The following NRXN3 variants were observed in gnomAD, a reference collection of about 807,000 sequenced individuals.
NRXN3 encodes the protein neurexin 3, also known as neurexin III.
NRXN3 carries 32 observed loss-of-function variants against 137.6 expected under a neutral mutation model. That is an observed-to-expected ratio of 0.23 (90% CI 0.18 to 0.31). NRXN3 has a LOEUF of 0.31. NRXN3 is among the 10% of genes least tolerant of loss of function. NRXN3 has a pLI of 1.00. For synonymous variants in NRXN3, 798 were observed against 784.5 expected, an observed-to-expected ratio of 1.02 and a Z score of -0.29; for missense variants, 1,574 against 2,062.5, an observed-to-expected ratio of 0.76 and a Z score of 4.59.
In NRXN3 at chr14:79,719,320, C is replaced by T. The variant is rs566288741; in HGVS notation, c.4014+21383C>T. On this transcript the variant is annotated intron_variant, in intron 19 of 20. Transcript: ENST00000335750. ...GTGTATATGTATGTGTATGTATACA[C>T]GCGTGTGTATATATATGTATATATA... Among the ~76,000 whole-genome samples the T allele has an allele frequency of 2.3e-3, 318 of 139,610 alleles. 2 individuals are homozygous for T. The highest frequency in any genetic ancestry group is 9.5e-3 in the South Asian group (41 of 4,322). 91.6% of individuals were successfully genotyped at this position (139,610 alleles called of 152,430 possible).
chr14:78,415,039 G>A (rs1007240268), intron 4 of NRXN3, among the ~76,000 whole-genome samples: 4 of 152,068 alleles, frequency 2.6e-5, no homozygotes, highest in Admixed American at 6.6e-5. Flanking sequence ...CACTTACTTC[G>A]GAACCATAGA....
At chr14:79,065,736 C>T (rs534547973) in intron 15 of NRXN3, among the ~76,000 whole-genome samples, 15 of 152,214 alleles carry the variant, frequency 9.9e-5, no homozygotes, top group African/African-American at 2.6e-4. Context: ...ACCCCAATCT[C>T]GGCCTTGATG....
chr14:78,365,390 C>A (rs1279470192), intron 4 of NRXN3, among the ~76,000 whole-genome samples: 1 of 152,184 alleles, frequency 6.6e-6, no homozygotes, highest in African/African-American at 2.4e-5. Context: ...TAAGGCTTTA[C>A]TCCATGCAGA....
intron 10 of NRXN3, among the ~76,000 whole-genome samples, chr14:78,887,666 C>T (rs574696430): frequency 9.2e-5 from 14 of 152,140 alleles, no homozygotes; most frequent in South Asian, 4.1e-4. Context: ...TTCTAAAATA[C>T]GAGTAAACAT....
intron 4 of NRXN3, among the ~76,000 whole-genome samples, chr14:78,490,024 C>T (rs1461729322): frequency 6.6e-6 from 1 of 152,020 alleles, no homozygotes; most frequent in African/African-American, 2.4e-5. Flanking sequence ...AAGCGATTCT[C>T]CTGCCTCAGC....
chr14:78,968,054 C>CTT (rs2099426040), intron 13 of NRXN3, 119 bp from the exon 14 acceptor site: 2 of 84,780 alleles, frequency 2.4e-5, no homozygotes, highest in Admixed American at 1.3e-4. Context: ...GCTGTCCCCC[C>CTT]CCCCCCCCCC....
intron 15 of NRXN3, among the ~76,000 whole-genome samples, chr14:79,293,211 C>A (rs1402565089): frequency 1.3e-5 from 2 of 152,120 alleles, no homozygotes; most frequent in Non-Finnish European, 2.9e-5. Context: ...CCTTTTACTT[C>A]CCTTCACAAA....
At chr14:78,226,750 A>C (rs1287454669) in intron 1 of NRXN3, among the ~76,000 whole-genome samples, 1 of 152,214 alleles carries the variant, frequency 6.6e-6, no homozygotes, top group Non-Finnish European at 1.5e-5. Context: ...TTAAAAAAAA[A>C]CTTTGAAATT....
chr14:78,861,643 G>A (rs947045650), intron 10 of NRXN3, among the ~76,000 whole-genome samples: 1 of 152,108 alleles, frequency 6.6e-6, no homozygotes, highest in Non-Finnish European at 1.5e-5. Context: ...ATGCTGTGCT[G>A]TCATAGAGAA....
chr14:79,440,747 A>AT (rs1016830496), intron 15 of NRXN3, among the ~76,000 whole-genome samples: 16 of 152,198 alleles, frequency 1.1e-4, no homozygotes, highest in Admixed American at 1.3e-4. Context: ...TCAAAAAAAA[A>AT]TTTTTTTTAA....
intron 20 of NRXN3, among the ~76,000 whole-genome samples, chr14:79,818,166 G>A (rs2099258337): frequency 6.9e-6 from 1 of 144,698 alleles, no homozygotes; most frequent in Non-Finnish European, 1.5e-5. Context: ...CCATTCTCCT[G>A]CCTCAGCCTC....
intron 15 of NRXN3, among the ~76,000 whole-genome samples, chr14:79,169,847 G>A (rs2061612527): frequency 6.6e-6 from 1 of 152,090 alleles, no homozygotes; most frequent in Non-Finnish European, 1.5e-5. Flanking sequence ...CCAGTGGGAG[G>A]TTGCCTAGGG....
chr14:79,815,608 A>C lies in NRXN3; in HGVS notation c.4093+10418A>C, dbSNP rs560822552. Reference sequence around the variant, plus strand: ...GAGGGAAATGTAAAAGAAAGGAAGGAGGAAAGGAAGAGATATTGATTATGA... The same window carrying C: ...GAGGGAAATGTAAAAGAAAGGAAGGCGGAAAGGAAGAGATATTGATTATGA... On this transcript the variant is annotated intron_variant, in intron 20 of 20. Coordinates refer to ENST00000335750, the MANE Select transcript of NRXN3 (RefSeq NM_001330195.2). Among the ~76,000 whole-genome samples, 10 of 152,290 alleles carry C rather than the reference A, an allele frequency of 6.6e-5. 1 individual carries two copies. The South Asian group carries it at 2.1e-3, about 32-fold the overall frequency.
At chr14:79,217,023 G>A (rs1349266662) in intron 15 of NRXN3, among the ~76,000 whole-genome samples, 1 of 152,094 alleles carries the variant, frequency 6.6e-6, no homozygotes, top group Non-Finnish European at 1.5e-5. Flanking sequence ...TGTAGTCCCA[G>A]CTACCCGGGA....
chr14:78,235,026 G>GTATATA (rs377371263), intron 1 of NRXN3, among the ~76,000 whole-genome samples: 31 of 87,292 alleles, frequency 3.6e-4, no homozygotes, highest in East Asian at 8.9e-4. Context: ...ATATATATGT[G>GTATATA]TATATATATA....
intron 3 of NRXN3, among the ~76,000 whole-genome samples, chr14:78,294,193 AG>A: frequency 6.6e-6 from 1 of 152,350 alleles, no homozygotes; most frequent in East Asian, 1.9e-4. Flanking sequence ...GTACTATAAT[AG>A]GTGTTGCCTT....
chr14:78,326,588 C>T lies in NRXN3; in HGVS notation c.757+28728C>T, dbSNP rs1413610755. 3.9e-5 allele frequency among the ~76,000 whole-genome samples: 6 copies of T among 152,080 alleles called. No individual in the cohort carries two copies. In the East Asian group the frequency reaches 9.6e-4, roughly 24 times the overall value. On this transcript the variant is annotated intron_variant, in intron 4 of 20. Coordinates refer to ENST00000335750, the MANE Select transcript of NRXN3 (RefSeq NM_001330195.2). Reference sequence around the variant, plus strand: ...AAAGAAAAGAACAAAAGGTATACATCGTGGTGGGGTGCACATGTTTGTGCA... The same window carrying T: ...AAAGAAAAGAACAAAAGGTATACATTGTGGTGGGGTGCACATGTTTGTGCA...
intron 4 of NRXN3, among the ~76,000 whole-genome samples, chr14:78,582,248 G>A (rs529078797): frequency 1.3e-5 from 2 of 152,284 alleles, no homozygotes; most frequent in African/African-American, 2.4e-5. Flanking sequence ...ATTTTTAAAA[G>A]CATGTCTGCA....
chr14:79,264,157 T>C (rs545054639), intron 15 of NRXN3, among the ~76,000 whole-genome samples: 1 of 152,264 alleles, frequency 6.6e-6, no homozygotes, highest in East Asian at 1.9e-4. Context: ...GTGACTCACA[T>C]GGCTCACTGC....
Sources: allele counts gnomAD v4.1 joint callset (sites outside exome capture counted in the v4.1 genomes callset), GRCh38; gene constraint gnomAD v4.1.1; transcripts MANE v1.5; gene names NCBI Gene and HGNC (gene_info 2026-07-23, HGNC 2026-07-21).